Variants in TMT1A observed in about 807,000 individuals in gnomAD.
TMT1A encodes thiol S-methyltransferase TMT1A.
chr12:50,926,063 GA>G, the TMT1A span, among the ~76,000 whole-genome samples: 4 of 91,798 alleles, frequency 4.4e-5, no homozygotes, highest in East Asian at 6.0e-4. Flanking sequence ...AAAAGAATAA[GA>G]AAAAAAAACT....
the TMT1A span, chr12:50,929,813 A>G: frequency 9.6e-7 from 1 of 1,037,138 alleles, no homozygotes; most frequent in Admixed American, 2.2e-5. Context: ...GTTCTCTCAC[A>G]GGTTTGCAAG....
chr12:50,926,815 G>T, the TMT1A span, among the ~76,000 whole-genome samples: 3 of 152,212 alleles, frequency 2.0e-5, no homozygotes, highest in Non-Finnish European at 2.9e-5. Flanking sequence ...TGGGGAATGG[G>T]ATTGGATTCA....
At chr12:50,930,154 G>A in the TMT1A span, 40 of 1,592,216 alleles carry the variant, frequency 2.5e-5, no homozygotes, top group Admixed American at 6.8e-5. Context: ...GAAATAGTGT[G>A]AGCTGGCAGT....
the TMT1A span, chr12:50,925,051 A>G: frequency 4.3e-6 from 7 of 1,613,948 alleles, no homozygotes; most frequent in Non-Finnish European, 5.9e-6. Flanking sequence ...GGAGCTTACC[A>G]TCTTTATCCT....
the TMT1A span, among the ~76,000 whole-genome samples, chr12:50,928,906 C>A: frequency 6.6e-6 from 1 of 152,132 alleles, no homozygotes; most frequent in African/African-American, 2.4e-5. Flanking sequence ...CCAAACCTGC[C>A]TCTCCTCCTT....
the TMT1A span, chr12:50,930,361 C>T: frequency 2.4e-6 from 1 of 421,926 alleles, no homozygotes; most frequent in Non-Finnish European, 4.2e-6. Context: ...CTCACTGCAA[C>T]CTCCACCTCG....
At chr12:50,930,414 G>C in the TMT1A span, 3 of 266,532 alleles carry the variant, frequency 1.1e-5, no homozygotes, top group South Asian at 1.6e-4. Context: ...CTAGTAGCTG[G>C]GATTACAGGT....
At chr12:50,925,546 AGGGTGT>A in the TMT1A span, 3 of 1,609,676 alleles carry the variant, frequency 1.9e-6, no homozygotes, top group African/African-American at 1.3e-5. Context: ...GGTGAGTGAA[AGGGTGT>A]GAGGAGGACT....
the TMT1A span, among the ~76,000 whole-genome samples, chr12:50,925,740 TA>T: frequency 6.6e-6 from 1 of 151,770 alleles, no homozygotes; most frequent in African/African-American, 2.4e-5. Flanking sequence ...AAAACTGCTA[TA>T]AAGAAAAAAC....
chr12:50,929,307 C>T, the TMT1A span, among the ~76,000 whole-genome samples: 1 of 152,044 alleles, frequency 6.6e-6, no homozygotes, highest in African/African-American at 2.4e-5. Flanking sequence ...TTACACTGAC[C>T]CATATAATTT....
chr12:50,925,217 G>C, the TMT1A span: 1 of 1,614,256 alleles, frequency 6.2e-7, no homozygotes, highest in Non-Finnish European at 8.5e-7. Flanking sequence ...GAGCTCTTCA[G>C]TAACCTGCAG....
chr12:50,928,499 C>T, the TMT1A span, among the ~76,000 whole-genome samples: 1 of 152,220 alleles, frequency 6.6e-6, no homozygotes, highest in Admixed American at 6.5e-5. Flanking sequence ...CTGGTGGCTC[C>T]ACCCCATTCC....
chr12:50,928,060 A>C, the TMT1A span, among the ~76,000 whole-genome samples: 1 of 152,290 alleles, frequency 6.6e-6, no homozygotes, highest in East Asian at 1.9e-4. Context: ...TCTGGCCTCA[A>C]GTGATCCACC....
At chr12:50,926,714 T>C in the TMT1A span, among the ~76,000 whole-genome samples, 1 of 152,208 alleles carries the variant, frequency 6.6e-6, no homozygotes, top group Non-Finnish European at 1.5e-5. Flanking sequence ...GCCCACCACA[T>C]GCCCATTGTG....
chr12:50,927,072 T>C, the TMT1A span, among the ~76,000 whole-genome samples: 1 of 152,164 alleles, frequency 6.6e-6, no homozygotes, highest in African/African-American at 2.4e-5. Context: ...CAGGCTGGAG[T>C]GCAGTGGCAT....
the TMT1A span, among the ~76,000 whole-genome samples, chr12:50,925,995 C>A: frequency 2.3e-5 from 2 of 87,574 alleles, no homozygotes; most frequent in Admixed American, 1.9e-4. Context: ...CCAGCCTAGG[C>A]AACAGAGTGA....
At chr12:50,926,559 AG>A in the TMT1A span, among the ~76,000 whole-genome samples, 1 of 152,244 alleles carries the variant, frequency 6.6e-6, no homozygotes, top group East Asian at 1.9e-4. Flanking sequence ...TATGTAAGTG[AG>A]TTGTCATATT....
At chr12:50,927,717 C>T in the TMT1A span, among the ~76,000 whole-genome samples, 9 of 152,200 alleles carry the variant, frequency 5.9e-5, no homozygotes, top group Non-Finnish European at 5.9e-5. Context: ...GTCAACAGTC[C>T]TCTAAAGTAC....
the TMT1A span, chr12:50,925,515 G>A: frequency 6.2e-7 from 1 of 1,613,740 alleles, no homozygotes; most frequent in Non-Finnish European, 8.5e-7. Flanking sequence ...TTCTCCGCGA[G>A]GTGTGCAGAG....
Sources: allele counts gnomAD v4.1 joint callset (sites outside exome capture counted in the v4.1 genomes callset), GRCh38; gene constraint gnomAD v4.1.1; transcripts MANE v1.5; gene names NCBI Gene and HGNC (gene_info 2026-07-23, HGNC 2026-07-21).